Variants in GDPD5 observed in about 807,000 individuals in gnomAD.
GDPD5 encodes glycerophosphodiester phosphodiesterase 2.
A neutral mutation model predicts 75.1 loss-of-function variants in GDPD5; 48 were observed. That is an observed-to-expected ratio of 0.64 (90% CI 0.51 to 0.81). The LOEUF (loss-of-function observed/expected upper bound fraction) is 0.81, where lower values mean the gene tolerates loss of function less well. Among genes scored for constraint, GDPD5 ranks in the 40% least tolerant of loss-of-function variants. The pLI is 0.00. For synonymous variants in GDPD5, 336 were observed against 339.0 expected (o/e 0.99, Z 0.10); for missense variants, 706 against 822.6 (o/e 0.86, Z 1.73).
chr11:75,450,193 G>T (rs1209289750), intron 6 of GDPD5, among the ~76,000 whole-genome samples: 1 of 152,194 alleles, frequency 6.6e-6, no homozygotes. Context: ...GCAGGAGGAG[G>T]CAGCAGGAGG....
chr11:75,521,256 C>A (rs1175510064), intron 1 of GDPD5, among the ~76,000 whole-genome samples: 1 of 152,220 alleles, frequency 6.6e-6, no homozygotes, highest in Non-Finnish European at 1.5e-5. Flanking sequence ...TCCAACACTG[C>A]CCTTCCTTAG....
rs758166903 is a variant in GDPD5, at chr11:75,435,469, TTC to T, written c.*36_*37del. On this transcript the variant is annotated 3_prime_UTR_variant, in exon 17 of 17. Coordinates refer to ENST00000336898, the MANE Select transcript of GDPD5 (RefSeq NM_030792.8). ...CACCAGCTCTCCTAGGCTCCCCAGC[TTC>T]TGTGTCAGGTACAGGTGGGACAGAC... 6.5e-7 allele frequency: 1 copy of T among 1,527,128 alleles called. No homozygotes were observed. The highest frequency in any genetic ancestry group is 1.3e-5 in the South Asian group (1 of 78,666). The allele number at this position is 1,527,128 out of a possible 1,614,324, so 94.6% of individuals were successfully genotyped here. A position where few individuals can be genotyped will look rare whatever the true frequency, so the allele number is the denominator to read the frequency against.
intron 6 of GDPD5, among the ~76,000 whole-genome samples, chr11:75,453,789 A>G (rs1949226351): frequency 6.6e-6 from 1 of 152,238 alleles, no homozygotes; most frequent in Non-Finnish European, 1.5e-5. Context: ...TGAATAAAGG[A>G]CAAATTCTCA....
chr11:75,481,839 G>C (rs980460536), intron 2 of GDPD5, among the ~76,000 whole-genome samples: 13 of 152,048 alleles, frequency 8.5e-5, no homozygotes, highest in Admixed American at 8.5e-4. Context: ...ATGCTGCCTC[G>C]CATTGACTTG....
At chr11:75,498,504 T>C (rs1010361664) in intron 1 of GDPD5, among the ~76,000 whole-genome samples, 1 of 135,438 alleles carries the variant, frequency 7.4e-6, no homozygotes, top group Non-Finnish European at 1.6e-5. Flanking sequence ...TCCCACCTCC[T>C]ACTCGTCACT....
intron 3 of GDPD5, among the ~76,000 whole-genome samples, chr11:75,465,970 C>A (rs1318375804): frequency 6.6e-6 from 1 of 152,244 alleles, no homozygotes; most frequent in African/African-American, 2.4e-5. Context: ...CGGGAGGGCC[C>A]ATGGCAGCCA....
intron 3 of GDPD5, among the ~76,000 whole-genome samples, chr11:75,473,202 C>G (rs1384184936): frequency 6.6e-6 from 1 of 151,974 alleles, no homozygotes; most frequent in African/African-American, 2.4e-5. Context: ...GGGCTCTCAT[C>G]ATATCTCATC....
At chr11:75,502,775 A>T (rs990178852) in intron 1 of GDPD5, among the ~76,000 whole-genome samples, 1 of 152,170 alleles carries the variant, frequency 6.6e-6, no homozygotes, top group Non-Finnish European at 1.5e-5. Flanking sequence ...CCGTGTAGAC[A>T]CTGTGATTGC....
intron 5 of GDPD5, among the ~76,000 whole-genome samples, chr11:75,457,159 TC>T (rs1391319432): frequency 1.3e-5 from 2 of 152,206 alleles, no homozygotes; most frequent in South Asian, 2.1e-4. Context: ...CTTGAGCCTG[TC>T]CCCAAGGAGC....
intron 1 of GDPD5, among the ~76,000 whole-genome samples, chr11:75,512,281 G>GACATACAC (rs1555017331): frequency 3.2e-5 from 4 of 123,176 alleles, no homozygotes; most frequent in Non-Finnish European, 6.8e-5. Context: ...AATTGGGAAG[G>GACATACAC]ACACACACAC....
chr11:75,507,104 GACAAAC>G (rs1451308029), intron 1 of GDPD5: 6 of 152,670 alleles, frequency 3.9e-5, no homozygotes, highest in Non-Finnish European at 8.8e-5. Flanking sequence ...GGCACTGCAG[GACAAAC>G]AGGGAAAGAA....
At chr11:75,512,281 G>GACATACACAC (rs1555017331) in intron 1 of GDPD5, among the ~76,000 whole-genome samples, 4 of 123,100 alleles carry the variant, frequency 3.2e-5, no homozygotes, top group Non-Finnish European at 6.8e-5. Flanking sequence ...AATTGGGAAG[G>GACATACACAC]ACACACACAC....
Position 75,436,980 on chromosome 11 carries a change from G to A in GDPD5, c.1625C>T (p.Thr542Ile). Residue 542 changes from threonine (T) to isoleucine (I), a missense_variant, in exon 16 of 17, where the codon ACC becomes ATC. By Grantham distance (89) the Thr-to-Ile change is moderately conservative (BLOSUM62 -1). Coordinates refer to ENST00000336898, the MANE Select transcript of GDPD5 (RefSeq NM_030792.8). ...QIMLSAAVRR[T>I]SRDVSIMKEK... ...CTTCATGATGCTGACGTCCCGGCTG[G>A]TCCGGCGCACCGCAGCACTCAGCAT... 2.5e-6 allele frequency: 4 copies of A among 1,613,582 alleles called. No homozygotes were observed. Among genetic ancestry groups the A allele is most frequent in the Non-Finnish European group, 3.4e-6 (4 of 1,179,996 alleles).
At chr11:75,497,924 G>C (rs750311659) in intron 1 of GDPD5, among the ~76,000 whole-genome samples, 1 of 152,184 alleles carries the variant, frequency 6.6e-6, no homozygotes, top group African/African-American at 2.4e-5. Context: ...CGTCAAGCAG[G>C]GATTAACACC....
At chr11:75,470,331 G>C (rs1949632330) in intron 3 of GDPD5, among the ~76,000 whole-genome samples, 1 of 152,134 alleles carries the variant, frequency 6.6e-6, no homozygotes, top group Admixed American at 6.5e-5. Flanking sequence ...TATATCATTT[G>C]AATTAATTTT....
intron 1 of GDPD5, among the ~76,000 whole-genome samples, chr11:75,496,179 G>A (rs1008911094): frequency 3.9e-5 from 6 of 152,212 alleles, no homozygotes; most frequent in Non-Finnish European, 5.9e-5. Context: ...GGCTGGGAGG[G>A]CCCAGCAGCC....
chr11:75,441,886 G>T, intron 12 of GDPD5, 83 bp from the exon 13 acceptor site: 1 of 1,375,314 alleles, frequency 7.3e-7, no homozygotes, highest in Non-Finnish European at 9.8e-7. Context: ...CACCTGTGGG[G>T]TTAAGAGACA....
At chr11:75,437,105 G>T in intron 15 of GDPD5, 57 bp from the exon 16 acceptor site, 1 of 1,302,046 alleles carries the variant, frequency 7.7e-7, no homozygotes, top group Non-Finnish European at 1.1e-6. Flanking sequence ...TTGGAGCAGA[G>T]ACCCTGCCTA....
chr11:75,449,874 T>A lies in GDPD5; in HGVS notation c.474+11A>T, dbSNP rs1482128856. On this transcript the variant is annotated intron_variant, in intron 7 of 16. Coordinates refer to ENST00000336898, the MANE Select transcript of GDPD5 (RefSeq NM_030792.8). Reference sequence around the variant, plus strand: ...TTGTTGTGAGGGTCCTGGGGGACCCTCCTCACTCACCTGCAGGGAGATCAG... The same window carrying A: ...TTGTTGTGAGGGTCCTGGGGGACCCACCTCACTCACCTGCAGGGAGATCAG... 6.2e-7 allele frequency: 1 copy of A among 1,611,760 alleles called. No individual in the cohort carries two copies. Among genetic ancestry groups the A allele is most frequent in the African/African-American group, 1.3e-5 (1 of 74,972 alleles).
Sources: gnomAD v4.1 joint callset for allele counts (sites outside exome capture counted in the v4.1 genomes callset) on GRCh38, gnomAD v4.1.1 for gene constraint, MANE v1.5 for transcripts, NCBI Gene and HGNC (gene_info 2026-07-23, HGNC 2026-07-21) for gene names.